FHIP2B: variants seen among roughly 807,000 people sequenced by gnomAD.
FHIP2B encodes the protein FHF complex subunit HOOK-interacting protein 2B.
In FHIP2B, 72 loss-of-function variants were observed where a neutral mutation model predicts 84.0. The observed-to-expected ratio is 0.86, with a 90% CI of 0.71 to 1.04. The LOEUF (loss-of-function observed/expected upper bound fraction) is 1.04. FHIP2B is among the 50% of genes least tolerant of loss of function. FHIP2B has a pLI of 0.00. For missense variants in FHIP2B, 972 were observed against 968.9 expected, an observed-to-expected ratio of 1.00 and a Z score of -0.04; for synonymous variants, 497 against 418.7, an observed-to-expected ratio of 1.19 and a Z score of -2.28.
chr8:22,096,585 C>A, intron 3 of FHIP2B, 76 bp downstream of exon 3: 1 of 1,416,448 alleles, frequency 7.1e-7, no homozygotes. Context: ...AGGTGGGAGG[C>A]CTCTGTGCGC....
intron 12 of FHIP2B, 153 bp downstream of exon 12, chr8:22,101,125 C>T (rs1356206263): frequency 1.2e-5 from 12 of 987,452 alleles, no homozygotes; most frequent in Middle Eastern, 3.1e-4. Flanking sequence ...CGGATCCAAG[C>T]GATTCCTGTG....
At chr8:22,102,477 A>T in intron 15 of FHIP2B, 51 bp from the exon 16 acceptor site, 1 of 1,537,266 alleles carries the variant, frequency 6.5e-7, no homozygotes, top group Non-Finnish European at 8.8e-7. Context: ...GGGCCAGGGG[A>T]CTCACTGGTG....
At chr8:22,092,828 T>C (rs1825565730) in intron 1 of FHIP2B, among the ~76,000 whole-genome samples, 1 of 152,206 alleles carries the variant, frequency 6.6e-6, no homozygotes, top group African/African-American at 2.4e-5. Context: ...TTCCAGCCTG[T>C]TAGAAGTTAC....
intron 1 of FHIP2B, among the ~76,000 whole-genome samples, chr8:22,092,574 T>TA (rs1554574266): frequency 6.6e-6 from 1 of 150,584 alleles, no homozygotes; most frequent in Non-Finnish European, 1.5e-5. Flanking sequence ...TCTTTTTTTT[T>TA]TTTTTTGAGA....
intron 1 of FHIP2B, among the ~76,000 whole-genome samples, chr8:22,090,899 T>G (rs896866621): frequency 1.3e-5 from 2 of 152,186 alleles, no homozygotes; most frequent in Non-Finnish European, 1.5e-5. Flanking sequence ...ATTACAGGCA[T>G]GAGCCACCGC....
intron 1 of FHIP2B, among the ~76,000 whole-genome samples, chr8:22,093,775 G>A (rs755394093): frequency 1.6e-5 from 2 of 129,028 alleles, no homozygotes; most frequent in Admixed American, 9.6e-5. Flanking sequence ...GGAGTGCAGC[G>A]CTGCGATCAC....
intron 1 of FHIP2B, among the ~76,000 whole-genome samples, chr8:22,090,441 T>G (rs1010874165): frequency 6.6e-6 from 1 of 152,200 alleles, no homozygotes; most frequent in Non-Finnish European, 1.5e-5. Flanking sequence ...GGCCAGGGCC[T>G]TGGGGCATCC....
In FHIP2B at chr8:22,099,686, G is replaced by A; in HGVS notation, c.1152-18G>A. On this transcript the variant is annotated intron_variant, in intron 9 of 16. Transcript: ENST00000289921. ...GTCTGCACACACCGGGCCTGGCTAA[G>A]GTGCCCTCTTCCCGTAGGTCCGAGC... 1 of 1,554,886 alleles carries A rather than the reference G, an allele frequency of 6.4e-7. No homozygotes were observed. Among genetic ancestry groups the A allele is most frequent in the Non-Finnish European group, 8.6e-7 (1 of 1,156,596 alleles).
Position 22,097,706 on chromosome 8 carries a change from T to A in FHIP2B, c.403-11T>A. ...CCTCTCCCCTCTGTTTCTGTCCTGG[T>A]GCTCTTCCAGAAACTCCTCCGACTT... On this transcript the variant is annotated splice_polypyrimidine_tract_variant and intron_variant, in intron 4 of 16. Coordinates refer to ENST00000289921, the MANE Select transcript of FHIP2B (RefSeq NM_022749.7). 6.2e-7 allele frequency: 1 copy of A among 1,612,416 alleles called. No individual in the cohort carries two copies. Among genetic ancestry groups the A allele is most frequent in the Non-Finnish European group, 8.5e-7 (1 of 1,179,492 alleles).
chr8:22,101,795 T>G lies in FHIP2B; in HGVS notation c.1795T>G (p.Phe599Val), dbSNP rs1826132732. ...CCCCCATGAGCCCGAGCGACCTTTCTTCGAGGGCCACTTCCTCCGAGTGCT... is the reference window on the plus strand; with the variant it reads ...CCCCCATGAGCCCGAGCGACCTTTCGTCGAGGGCCACTTCCTCCGAGTGCT... ...LDPHEPERPF[F>V]EGHFLRVLFD... is the part of the protein sequence containing the mutation. The change falls in exon 14 of 17, where the codon TTC becomes GTC. Residue 599 changes from phenylalanine (F) to valine (V), a missense_variant. Phe to Val is a conservative substitution (Grantham distance 50). Transcript: ENST00000289921. The G allele has an allele frequency of 1.2e-6, 2 of 1,613,572 alleles. No individual in the cohort carries two copies. The highest frequency in any genetic ancestry group is 8.5e-7 in the Non-Finnish European group (1 of 1,179,798).
At chr8:22,096,127 G>A (rs1438940297) in intron 2 of FHIP2B, 1 of 525,824 alleles carries the variant, frequency 1.9e-6, no homozygotes, top group African/African-American at 1.9e-5. Context: ...CGTTCTCAGA[G>A]GACTGTGTCC....
chr8:22,100,095 AT>A lies in FHIP2B; in HGVS notation c.1341+204del, dbSNP rs1396288542. 9.1e-6 allele frequency: 5 copies of A among 549,558 alleles called. No homozygotes were observed. In the African/African-American group the frequency reaches 1.0e-4, roughly 11 times the overall value. The allele number at this position is 549,558 out of a possible 1,614,324, so 34.0% of individuals were successfully genotyped here. A position where few individuals can be genotyped will look rare whatever the true frequency, so the allele number is the denominator to read the frequency against. ...TTTTTTTTTTTTAAAGAGACAGGGT[AT>A]TGCTCTATCACCCAGGCCCTGGAGT... On this transcript the variant is annotated intron_variant, in intron 10 of 16. Transcript: ENST00000289921.
chr8:22,094,784 T>C, intron 2 of FHIP2B: 1 of 1,271,240 alleles, frequency 7.9e-7, no homozygotes, highest in South Asian at 1.8e-5. Context: ...GGGGTCTCAC[T>C]GGCCTGACTC....
At position 22,102,760 on chromosome 8, in the gene FHIP2B, C is replaced by T. The variant is rs757739451; in HGVS notation, c.2094-33C>T. 5.6e-6 allele frequency: 9 copies of T among 1,610,186 alleles called. No individual in the cohort carries two copies. In the East Asian group the frequency reaches 2.0e-4, roughly 36 times the overall value. Reference sequence around the variant, plus strand: ...CATGCTGGGCACAGTCCTGCCCCCACCCAGCCATGCCCCCTGTGCCATCTC... The same window carrying T: ...CATGCTGGGCACAGTCCTGCCCCCATCCAGCCATGCCCCCTGTGCCATCTC... On this transcript the variant is annotated intron_variant, in intron 16 of 16. Coordinates refer to ENST00000289921, the MANE Select transcript of FHIP2B (RefSeq NM_022749.7).
At chr8:22,094,066 G>A (rs767320629) in intron 1 of FHIP2B, among the ~76,000 whole-genome samples, 64 of 152,198 alleles carry the variant, frequency 4.2e-4, no homozygotes, top group Admixed American at 7.2e-4. Flanking sequence ...GGGGGACTGC[G>A]CTCCCGTGTT....
In FHIP2B at chr8:22,103,380, T is replaced by A. The variant is rs901473673; in HGVS notation, c.*449T>A. 2.5e-5 allele frequency: 4 copies of A among 158,286 alleles called. No individual in the cohort carries two copies. The highest frequency in any genetic ancestry group is 9.6e-5 in the African/African-American group (4 of 41,604). 9.8% of individuals were successfully genotyped at this position (158,286 alleles called of 1,614,324 possible). ...CTTGTCTGTGTCACATTAGGTACCA[T>A]GGGAGCTGCTGAGACCTGACATTTT... On this transcript the variant is annotated 3_prime_UTR_variant, in exon 17 of 17. Transcript: ENST00000289921.
chr8:22,089,827 G>T, intron 1 of FHIP2B: 1 of 1,285,426 alleles, frequency 7.8e-7, no homozygotes. Context: ...GGAAGTGCAG[G>T]CCCTGCCGGT....
At chr8:22,100,573 C>T (rs753170653) in intron 10 of FHIP2B, 21 bp from the exon 11 acceptor site, 2 of 1,521,218 alleles carry the variant, frequency 1.3e-6, no homozygotes, top group Admixed American at 2.2e-5. Context: ...GGCTATCCTG[C>T]CGACCCCCTT....
chr8:22,089,721 G>C, intron 1 of FHIP2B: 1 of 1,231,774 alleles, frequency 8.1e-7, no homozygotes, highest in Non-Finnish European at 1.1e-6. Context: ...GCCTGGGCTT[G>C]AAAAAATCGC....
Sources: gnomAD v4.1 joint callset for allele counts (sites outside exome capture counted in the v4.1 genomes callset) on GRCh38, gnomAD v4.1.1 for gene constraint, MANE v1.5 for transcripts, NCBI Gene and HGNC (gene_info 2026-07-23, HGNC 2026-07-21) for gene names.